The following LYG2 variants were observed in gnomAD, a reference collection of about 807,000 sequenced individuals.
LYG2 encodes lysozyme g-like protein 2.
A neutral mutation model predicts 22.4 loss-of-function variants in LYG2; 25 were observed. That is an observed-to-expected ratio of 1.12 (90% confidence interval 0.81 to 1.56). LYG2 has a LOEUF of 1.56. Ranked by LOEUF, LYG2 falls within the 40% of genes most tolerant of loss-of-function variation. The pLI is 0.00. For missense variants in LYG2, 266 were observed against 269.5 expected, an observed-to-expected ratio of 0.99 and a Z score of 0.09; for synonymous variants, 88 against 97.0, an observed-to-expected ratio of 0.91 and a Z score of 0.55.
intron 3 of LYG2, 100 bp from the exon 4 acceptor site, chr2:99,246,920 GA>G: frequency 8.9e-7 from 1 of 1,121,872 alleles, no homozygotes; most frequent in South Asian, 1.6e-5. Flanking sequence ...GCCACAGACA[GA>G]ACTCCCCAAC....
At chr2:99,246,864 A>G in intron 3 of LYG2, 44 bp from the exon 4 acceptor site, 2 of 1,586,086 alleles carry the variant, frequency 1.3e-6, no homozygotes, top group Non-Finnish European at 8.6e-7. Context: ...CTGAGAAGAT[A>G]TTACTTGGGT....
intron 4 of LYG2, among the ~76,000 whole-genome samples, chr2:99,246,131 A>G (rs1574862655): frequency 6.6e-6 from 1 of 152,112 alleles, no homozygotes; most frequent in African/African-American, 2.4e-5. Context: ...ATTCTGCCAC[A>G]CTAGTGCACT....
intron 3 of LYG2, among the ~76,000 whole-genome samples, chr2:99,253,742 A>G (rs538453426): frequency 1.3e-5 from 2 of 152,214 alleles, no homozygotes; most frequent in African/African-American, 2.4e-5. Flanking sequence ...ATCACCAAGC[A>G]TCCTTCAATT....
the LYG2 span, among the ~76,000 whole-genome samples, chr2:99,261,304 T>C: frequency 6.6e-6 from 1 of 152,078 alleles, no homozygotes. Context: ...GATTTAAGCT[T>C]AAGGTTTTGG....
rs569199329 is a variant in LYG2 at position 99,249,718 on chromosome 2, G to A, written c.44-2898C>T. ...GGAGGATGCAGTGAGCCGAGATCGCGCCATTGCACTCCAGCCTGGGCAAAA... is the reference window on the plus strand; with the variant it reads ...GGAGGATGCAGTGAGCCGAGATCGCACCATTGCACTCCAGCCTGGGCAAAA... On this transcript the variant is annotated intron_variant, in intron 3 of 6. Coordinates refer to ENST00000333017, the MANE Select transcript of LYG2 (RefSeq NM_175735.4). 4.4e-5 allele frequency among the ~76,000 whole-genome samples: 6 copies of A among 137,234 alleles called. No homozygotes were observed. The East Asian group carries it at 8.5e-4, about 19-fold the overall frequency. 90.0% of individuals were successfully genotyped at this position (137,234 alleles called of 152,430 possible). A position where few individuals can be genotyped will look rare whatever the true frequency, so the allele number is the denominator to read the frequency against.
Position 99,243,645 on chromosome 2 carries a change from C to T in LYG2, c.520+354G>A, listed in dbSNP as rs755136995. 6.7e-5 allele frequency: 46 copies of T among 687,786 alleles called. 1 individual carries two copies. The highest frequency in any genetic ancestry group is 8.2e-4 in the Middle Eastern group (2 of 2,434). 42.6% of individuals were successfully genotyped at this position (687,786 alleles called of 1,614,324 possible). A position where few individuals can be genotyped will look rare whatever the true frequency, so the allele number is the denominator to read the frequency against. On this transcript the variant is annotated intron_variant, in intron 6 of 6. Transcript: ENST00000333017. ...TAACCTCCCAGGCACAAGCAATCCTCCTGGCTTAGCCTCCTGAGTAGCTGG... is the reference window on the plus strand; with the variant it reads ...TAACCTCCCAGGCACAAGCAATCCTTCTGGCTTAGCCTCCTGAGTAGCTGG...
At chr2:99,243,829 C>A in intron 6 of LYG2, 170 bp downstream of exon 6, 1 of 690,030 alleles carries the variant, frequency 1.4e-6, no homozygotes, top group Non-Finnish European at 2.4e-6. Flanking sequence ...GGATGGAGGA[C>A]CTCTCAAAGT....
At chr2:99,244,510 TGG>T (rs1246472730) in intron 5 of LYG2, among the ~76,000 whole-genome samples, 1 of 152,168 alleles carries the variant, frequency 6.6e-6, no homozygotes, top group Non-Finnish European at 1.5e-5. Context: ...AAATCGAGCC[TGG>T]AAGCAAATAT....
chr2:99,243,332 T>G (rs555829614), intron 6 of LYG2: 1 of 1,086,842 alleles, frequency 9.2e-7, no homozygotes, highest in Admixed American at 2.7e-5. Context: ...TGGGAGATGC[T>G]GAACTTGAGG....
At chr2:99,250,659 C>A (rs557898135) in intron 3 of LYG2, among the ~76,000 whole-genome samples, 3 of 152,302 alleles carry the variant, frequency 2.0e-5, no homozygotes, top group South Asian at 2.1e-4. Context: ...CAGGCGTGAG[C>A]CACCACGCCT....
chr2:99,243,459 T>C, intron 6 of LYG2: 1 of 1,549,294 alleles, frequency 6.5e-7, no homozygotes. Context: ...CAGTTTCTTA[T>C]AACAGGAAAA....
At chr2:99,248,789 C>A (rs531987950) in intron 3 of LYG2, among the ~76,000 whole-genome samples, 46 of 150,116 alleles carry the variant, frequency 3.1e-4, no homozygotes, top group East Asian at 1.4e-3. Flanking sequence ...TCAAAAAAAA[C>A]CAATTTGCCT....
At chr2:99,250,151 C>G (rs2094023493) in intron 3 of LYG2, among the ~76,000 whole-genome samples, 1 of 152,114 alleles carries the variant, frequency 6.6e-6, no homozygotes, top group Admixed American at 6.6e-5. Flanking sequence ...TGCCTCAAAG[C>G]CTGTATGTTT....
At position 99,245,400 on chromosome 2, in the gene LYG2, C is replaced by T. The variant is rs536382107; in HGVS notation, c.243G>A (p.Gln81=). The T allele has an allele frequency of 2.5e-5, 40 of 1,612,612 alleles. No individual in the cohort carries two copies. The Admixed American group carries it at 5.0e-4, about 20-fold the overall frequency. ...EMDLRAIKPY[Q]TLIKEVGQRH... is the part of the protein sequence containing the mutation. The stretch of plus-strand genomic sequence containing the variant: ...TCTGCCCGACTTCTTTGATCAGAGT[C>T]TGGTAAGGTTTTATGGCCCTCAAAT... Residue 81 remains glutamine (Q), a synonymous_variant, in exon 5 of 7, where the codon CAG becomes CAA. Coordinates refer to ENST00000333017, the MANE Select transcript of LYG2 (RefSeq NM_175735.4).
intron 4 of LYG2, 109 bp downstream of exon 4, chr2:99,246,571 C>G: frequency 7.8e-7 from 1 of 1,287,536 alleles, no homozygotes; most frequent in Non-Finnish European, 1.1e-6. Context: ...AATTTTGATA[C>G]TATTGTCATA....
chr2:99,254,163 T>G, intron 3 of LYG2, 55 bp downstream of exon 3: 1 of 1,461,004 alleles, frequency 6.8e-7, no homozygotes, highest in Non-Finnish European at 9.6e-7. Context: ...ATGATTGTGC[T>G]GGAGGTTTTT....
intron 6 of LYG2, 150 bp downstream of exon 6, chr2:99,243,849 G>T: frequency 2.5e-6 from 2 of 814,150 alleles, no homozygotes; most frequent in East Asian, 5.2e-5. Context: ...TAACTCAGTG[G>T]TTCAGGGAAT....
upstream of LYG2, among the ~76,000 whole-genome samples, chr2:99,259,004 C>T (rs2094042163): frequency 6.6e-6 from 1 of 152,126 alleles, no homozygotes; most frequent in Admixed American, 6.5e-5. Context: ...CAAAATGAGA[C>T]AGTATTTCAC....
chr2:99,243,976 A>G (rs762161716), intron 6 of LYG2, 23 bp downstream of exon 6: 1 of 1,613,790 alleles, frequency 6.2e-7, no homozygotes, highest in East Asian at 2.2e-5. Flanking sequence ...TCATTTAAAC[A>G]AAGTACTCAG....
Sources: allele counts gnomAD v4.1 joint callset (sites outside exome capture counted in the v4.1 genomes callset), GRCh38; gene constraint gnomAD v4.1.1; transcripts MANE v1.5; gene names NCBI Gene and HGNC (gene_info 2026-07-23, HGNC 2026-07-21).